HAMP: variants seen among roughly 807,000 people sequenced by gnomAD.
HAMP encodes hepcidin.
Under a neutral mutation model 7.8 loss-of-function variants are expected in HAMP, and 5 were observed. The observed-to-expected ratio is 0.64, with a 90% CI of 0.33 to 1.34. The LOEUF (loss-of-function observed/expected upper bound fraction) is 1.34, where lower values mean the gene tolerates loss of function less well. HAMP is among the 40% of genes most tolerant of loss of function. The pLI is 0.05. For missense variants in HAMP, 105 were observed against 104.1 expected (o/e 1.01, Z -0.04); for synonymous variants, 52 against 38.6 (o/e 1.35, Z -1.28).
intron 1 of HAMP, 172 bp from the exon 2 acceptor site, chr19:35,284,617 T>A (rs1472867301): frequency 2.0e-5 from 12 of 609,986 alleles, no homozygotes; most frequent in Non-Finnish European, 2.9e-5. Flanking sequence ...TTTTTTTTTT[T>A]AGGAAAAGCC....
intron 1 of HAMP, chr19:35,283,064 C>A: frequency 6.7e-6 from 2 of 297,538 alleles, no homozygotes; most frequent in Non-Finnish European, 1.3e-5. Context: ...TCCAGCCTGG[C>A]AACAGAGCAA....
intron 1 of HAMP, chr19:35,284,549 G>A (rs192021123): frequency 3.4e-6 from 2 of 590,050 alleles, no homozygotes; most frequent in East Asian, 5.6e-5. Flanking sequence ...GGCAGGGGAA[G>A]GTGATATCCC....
chr19:35,285,032 G>T lies in HAMP; in HGVS notation c.245G>T (p.Cys82Phe). Reference sequence around the variant, plus strand: ...CATCGATCAAAGTGTGGGATGTGCTGCAAGACGTAGAACCTACCTGCCCTG... The same window carrying T: ...CATCGATCAAAGTGTGGGATGTGCTTCAAGACGTAGAACCTACCTGCCCTG... ...CCHRSKCGMC[C>F]KT Residue 82 changes from cysteine (C) to phenylalanine (F), a missense_variant, in exon 3 of 3, where the codon TGC (cysteine) becomes TTC (phenylalanine). Physicochemically the swap from Cys to Phe is radical, Grantham distance 205. Coordinates refer to ENST00000222304, the MANE Select transcript of HAMP (RefSeq NM_021175.4). 3 of 1,609,820 alleles carry T rather than the reference G, an allele frequency of 1.9e-6. No individual in the cohort carries two copies. The highest frequency in any genetic ancestry group is 2.6e-6 in the Non-Finnish European group (3 of 1,176,098).
intron 1 of HAMP, 131 bp downstream of exon 1, chr19:35,282,798 A>G (rs1599639798): frequency 1.3e-6 from 1 of 779,508 alleles, no homozygotes; most frequent in South Asian, 1.4e-5. Flanking sequence ...GCAGCTGAAC[A>G]GGAACCAGGA....
rs540075622 is a variant in HAMP, at chr19:35,285,092, GC to G, written c.*54del. On this transcript the variant is annotated 3_prime_UTR_variant, in exon 3 of 3. Coordinates refer to ENST00000222304, the MANE Select transcript of HAMP (RefSeq NM_021175.4). ...CCTCCCTTCCTTATTTATTCCTGCT[GC>G]CCCAGAACATAGGTCTTGGAATAAA... 233 of 1,158,270 alleles carry G rather than the reference GC, an allele frequency of 2.0e-4. No individual in the cohort carries two copies. The African/African-American group carries it at 3.3e-3, about 16-fold the overall frequency. 71.7% of individuals were successfully genotyped at this position (1,158,270 alleles called of 1,614,324 possible). A position where few individuals can be genotyped will look rare whatever the true frequency, so the allele number is the denominator to read the frequency against.
In HAMP at chr19:35,284,997, C is replaced by T. The variant is rs760104316; in HGVS notation, c.210C>T (p.Cys70=). ...DTHFPICIFC[C]GCCHRSKCGM... The stretch of plus-strand genomic sequence containing the variant: ...ACTTCCCCATCTGCATTTTCTGCTG[C>T]GGCTGCTGTCATCGATCAAAGTGTG... The change falls in exon 3 of 3, where the codon TGC becomes TGT. Residue 70 remains cysteine, a synonymous_variant. Coordinates refer to ENST00000222304, the MANE Select transcript of HAMP (RefSeq NM_021175.4). The T allele has an allele frequency of 1.4e-5, 22 of 1,613,938 alleles. No homozygotes were observed. The highest frequency in any genetic ancestry group is 1.6e-4 in the Middle Eastern group (1 of 6,062).
At chr19:35,284,532 G>A in intron 1 of HAMP, 1 of 580,552 alleles carries the variant, frequency 1.7e-6, no homozygotes, top group Admixed American at 3.0e-5. Context: ...GCTGGCACTG[G>A]CATCCAGGCA....
chr19:35,284,671 TAA>T, intron 1 of HAMP, 116 bp from the exon 2 acceptor site: 1 of 781,582 alleles, frequency 1.3e-6, no homozygotes, highest in Non-Finnish European at 2.3e-6. Flanking sequence ...AGGCCCCTCC[TAA>T]GAGTCCATTT....
At chr19:35,284,914 C>T (rs913831140) in intron 2 of HAMP, 24 bp from the exon 3 acceptor site, 1 of 1,607,318 alleles carries the variant, frequency 6.2e-7, no homozygotes, top group African/African-American at 1.3e-5. Flanking sequence ...CGGTTCCCTG[C>T]TCACATTCCC....
chr19:35,284,127 A>G (rs1402860606), intron 1 of HAMP: 1 of 153,828 alleles, frequency 6.5e-6, no homozygotes, highest in Admixed American at 6.4e-5. Flanking sequence ...GAAAACCACA[A>G]TCTCACTGGC....
intron 1 of HAMP, 145 bp downstream of exon 1, chr19:35,282,812 G>T: frequency 1.4e-6 from 1 of 721,916 alleles, no homozygotes; most frequent in Admixed American, 2.0e-5. Context: ...ACCAGGACAG[G>T]CACGGTGGCT....
chr19:35,284,723 C>T lies in HAMP; in HGVS notation c.91-66C>T, dbSNP rs2293689. The T allele has an allele frequency of 0.011, 13,854 of 1,242,624 alleles. 359 individuals carry two copies. Among genetic ancestry groups the T allele is most frequent in the East Asian group, 0.092 (3,971 of 43,174 alleles). 77.0% of individuals were successfully genotyped at this position (1,242,624 alleles called of 1,614,324 possible). ...AACCACTTGGAGAGGAGCAGGTTGCCGGGAGCCAGTCTCAGAGGTCCACTG... is the reference window on the plus strand; with the variant it reads ...AACCACTTGGAGAGGAGCAGGTTGCTGGGAGCCAGTCTCAGAGGTCCACTG... On this transcript the variant is annotated intron_variant, in intron 1 of 2. Coordinates refer to ENST00000222304, the MANE Select transcript of HAMP (RefSeq NM_021175.4).
chr19:35,285,057 G>A lies in HAMP; in HGVS notation c.*15G>A, dbSNP rs754870031. 3.3e-6 allele frequency: 5 copies of A among 1,506,506 alleles called. No homozygotes were observed. In the Admixed American group the frequency reaches 5.0e-5, roughly 15 times the overall value. The allele number at this position is 1,506,506 out of a possible 1,614,324, so 93.3% of individuals were successfully genotyped here. A position where few individuals can be genotyped will look rare whatever the true frequency, so the allele number is the denominator to read the frequency against. ...GCAAGACGTAGAACCTACCTGCCCT[G>A]CCCCCGTCCCCTCCCTTCCTTATTT... is the stretch of plus-strand genomic sequence containing the variant. On this transcript the variant is annotated 3_prime_UTR_variant, in exon 3 of 3. Transcript: ENST00000222304.
chr19:35,283,294 T>C (rs1264723880), intron 1 of HAMP: 1 of 163,238 alleles, frequency 6.1e-6, no homozygotes, highest in Non-Finnish European at 1.4e-5. Context: ...AATAATTGTG[T>C]CTAGTACATT....
chr19:35,282,631 C>G lies in HAMP; in HGVS notation c.54C>G (p.Leu18=). ...WAACLLLLLL[L]ASLTSGSVFP... is the part of the protein sequence containing the mutation. ...CTTGCCTCCTGCTCCTCCTCCTCCT[C>G]GCCAGCCTGACCAGTGGCTCTGTTT... Residue 18 remains leucine (L), a synonymous_variant, in exon 1 of 3, where the codon CTC becomes CTG. Transcript: ENST00000222304. 1 of 1,614,152 alleles carries G rather than the reference C, an allele frequency of 6.2e-7. No individual in the cohort carries two copies.
Position 35,285,090 on chromosome 19 carries a change from C to G in HAMP, c.*48C>G. ...CCCCTCCCTTCCTTATTTATTCCTG[C>G]TGCCCCAGAACATAGGTCTTGGAAT... On this transcript the variant is annotated 3_prime_UTR_variant, in exon 3 of 3. Coordinates refer to ENST00000222304, the MANE Select transcript of HAMP (RefSeq NM_021175.4). 1 of 1,183,124 alleles carries G rather than the reference C, an allele frequency of 8.5e-7. No homozygotes were observed. The allele number at this position is 1,183,124 out of a possible 1,614,324, so 73.3% of individuals were successfully genotyped here.
chr19:35,283,504 G>A (rs1174299954), intron 1 of HAMP: 1 of 152,356 alleles, frequency 6.6e-6, no homozygotes, highest in Non-Finnish European at 1.5e-5. Flanking sequence ...GTCCCAAGTA[G>A]CTGGGACAGC....
Position 35,284,998 on chromosome 19 carries a change from G to A in HAMP, c.211G>A (p.Gly71Ser), listed in dbSNP as rs765599115. 9.9e-6 allele frequency: 16 copies of A among 1,613,880 alleles called. No individual in the cohort carries two copies. The highest frequency in any genetic ancestry group is 1.6e-4 in the Middle Eastern group (1 of 6,084). Reference protein sequence around the residue: ...THFPICIFCCGCCHRSKCGMC... With the variant: ...THFPICIFCCSCCHRSKCGMC... ...CTTCCCCATCTGCATTTTCTGCTGC[G>A]GCTGCTGTCATCGATCAAAGTGTGG... Residue 71 changes from glycine (G) to serine (S), a missense_variant, in exon 3 of 3, where the codon GGC (glycine) becomes AGC (serine). Gly to Ser is a moderately conservative substitution (Grantham distance 56, BLOSUM62 0). Coordinates refer to ENST00000222304, the MANE Select transcript of HAMP (RefSeq NM_021175.4).
At chr19:35,282,846 G>T in intron 1 of HAMP, 179 bp downstream of exon 1, 2 of 617,622 alleles carry the variant, frequency 3.2e-6, no homozygotes, top group Non-Finnish European at 5.9e-6. Flanking sequence ...CCAGCACTTT[G>T]GGAGGTTGAG....
Sources: allele counts gnomAD v4.1 joint callset, GRCh38; gene constraint gnomAD v4.1.1; transcripts MANE v1.5; gene names NCBI Gene and HGNC (gene_info 2026-07-23, HGNC 2026-07-21).